Variants in IL1RAPL1 observed in about 807,000 individuals in gnomAD.
The protein encoded by IL1RAPL1 is interleukin 1 receptor accessory protein like 1.
Under a neutral mutation model 48.4 loss-of-function variants are expected in IL1RAPL1, and 3 were observed. The observed-to-expected ratio is 0.06, with a 90% confidence interval of 0.03 to 0.16. The LOEUF (loss-of-function observed/expected upper bound fraction) is 0.16, where lower values mean the gene tolerates loss of function less well. Among genes scored for constraint, IL1RAPL1 ranks in the 10% least tolerant of loss-of-function variants. IL1RAPL1 has a pLI of 1.00. For synonymous variants in IL1RAPL1, 185 were observed against 187.7 expected (o/e 0.99, Z 0.12); for missense variants, 349 against 530.6 (o/e 0.66, Z 3.36).
intron 9 of IL1RAPL1, among the ~76,000 whole-genome samples, chrX:29,950,669 CCTTTTTTTTTTTTTT>C (rs1166732055): frequency 1.0e-5 from 1 of 96,923 alleles, no homozygotes. Context: ...GATCCTAAGG[CCTTTTTTTTTTTTTT>C]CTTTTTTTTT....
At chrX:29,787,817 G>T (rs1929536293) in intron 6 of IL1RAPL1, among the ~76,000 whole-genome samples, 1 of 111,823 alleles carries the variant, frequency 8.9e-6, no homozygotes, top group Admixed American at 9.5e-5. Flanking sequence ...ATGTCATTCT[G>T]TTACTACATT....
At chrX:29,257,657 C>T (rs988904251) in intron 2 of IL1RAPL1, among the ~76,000 whole-genome samples, 1 of 111,671 alleles carries the variant, frequency 9.0e-6, no homozygotes, top group African/African-American at 3.2e-5. Context: ...TGTCATGCAG[C>T]ATGTTTTAAT....
At chrX:28,667,884 C>G (rs1934899056) in intron 1 of IL1RAPL1, among the ~76,000 whole-genome samples, 1 of 111,344 alleles carries the variant, frequency 9.0e-6, no homozygotes, top group Non-Finnish European at 1.9e-5. Context: ...CATGAGGGTT[C>G]TACCCTTATG....
chrX:29,531,309 T>A (rs1047045711), intron 5 of IL1RAPL1, among the ~76,000 whole-genome samples: 1 of 111,338 alleles, frequency 9.0e-6, no homozygotes, highest in Non-Finnish European at 1.9e-5. Context: ...AACCAAATAA[T>A]GAAGGTCAAG....
At chrX:28,888,752 A>T (rs1922703509) in intron 2 of IL1RAPL1, among the ~76,000 whole-genome samples, 1 of 111,615 alleles carries the variant, frequency 9.0e-6, no homozygotes, top group Admixed American at 9.6e-5. Context: ...TGACATTTTC[A>T]TGCTAATATA....
chrX:29,120,777 G>A (rs932487397), intron 2 of IL1RAPL1, among the ~76,000 whole-genome samples: 4 of 111,114 alleles, frequency 3.6e-5, no homozygotes, highest in African/African-American at 6.5e-5. Flanking sequence ...ATTAGTCAAA[G>A]ACATTACTTG....
chrX:29,587,795 G>C (rs1199702081), intron 5 of IL1RAPL1, among the ~76,000 whole-genome samples: 1 of 112,202 alleles, frequency 8.9e-6, no homozygotes, highest in Non-Finnish European at 1.9e-5. Flanking sequence ...ATACCAACAG[G>C]CTTCTGTTAG....
intron 5 of IL1RAPL1, among the ~76,000 whole-genome samples, chrX:29,625,108 A>G (rs563394199): frequency 1.5e-4 from 17 of 111,913 alleles, no homozygotes; most frequent in Middle Eastern, 9.2e-3. Context: ...GCTTTGTTCC[A>G]ATAAAACTTT....
At chrX:29,810,320 G>T (rs1197044462) in intron 6 of IL1RAPL1, among the ~76,000 whole-genome samples, 1 of 110,344 alleles carries the variant, frequency 9.1e-6, no homozygotes, top group African/African-American at 3.3e-5. Context: ...CTCCCGAGTA[G>T]CTGGGATTAC....
At chrX:28,853,745 T>A (rs1017144313) in intron 2 of IL1RAPL1, among the ~76,000 whole-genome samples, 1 of 111,772 alleles carries the variant, frequency 8.9e-6, no homozygotes, top group Non-Finnish European at 1.9e-5. Flanking sequence ...CCTACAGATA[T>A]ATAGATCATT....
intron 3 of IL1RAPL1, among the ~76,000 whole-genome samples, chrX:29,343,111 T>C (rs766850895): frequency 8.9e-6 from 1 of 112,088 alleles, no homozygotes; most frequent in South Asian, 3.7e-4. Flanking sequence ...AACAATATAA[T>C]TGTTGATTTC....
chrX:29,536,014 T>G (rs751656748), intron 5 of IL1RAPL1, among the ~76,000 whole-genome samples: 1 of 112,186 alleles, frequency 8.9e-6, no homozygotes, highest in East Asian at 2.8e-4. Flanking sequence ...GAGCACAACC[T>G]ATGGTTGTAA....
chrX:29,060,777 T>C (rs1194299139), intron 2 of IL1RAPL1, among the ~76,000 whole-genome samples: 1 of 112,039 alleles, frequency 8.9e-6, no homozygotes, highest in African/African-American at 3.2e-5. Flanking sequence ...CAAAGTTCTA[T>C]AGAAATGTTA....
At chrX:28,659,543 A>G (rs1934792196) in intron 1 of IL1RAPL1, 2 of 442,099 alleles carry the variant, frequency 4.5e-6, no homozygotes. Context: ...GGCGCTGGCT[A>G]GAGGCGAGCT....
At position 29,064,552 on chromosome X, in the gene IL1RAPL1, TTTTTTG is replaced by T. The variant is rs200109419; in HGVS notation, c.83-218357_83-218352del. Among the ~76,000 whole-genome samples the T allele has an allele frequency of 1.1e-3, 121 of 109,005 alleles. 1 individual carries two copies. Among genetic ancestry groups the T allele is most frequent in the African/African-American group, 1.9e-3 (58 of 30,194 alleles). 94.7% of individuals were successfully genotyped at this position (109,005 alleles called of 115,157 possible). On this transcript the variant is annotated intron_variant, in intron 2 of 10. Transcript: ENST00000378993. ...GAACAAGTAGATTTTTTTGTTGTTG[TTTTTTG>T]TTTTTGTTTTTGTTTTTGTTTTTGT...
intron 6 of IL1RAPL1, among the ~76,000 whole-genome samples, chrX:29,804,911 C>G (rs908555106): frequency 6.3e-5 from 7 of 111,919 alleles, no homozygotes; most frequent in African/African-American, 2.3e-4. Flanking sequence ...GTGTTTACAT[C>G]TCTTCTTAAA....
chrX:29,719,861 G>A (rs1309497789), intron 6 of IL1RAPL1, among the ~76,000 whole-genome samples: 2 of 110,246 alleles, frequency 1.8e-5, no homozygotes, highest in Admixed American at 2.0e-4. Context: ...CAGGAAAGAA[G>A]GTAGAGTATT....
rs773772535 is a variant in IL1RAPL1 at position 29,857,437 on chromosome X, C to T, written c.779-60027C>T. Among the ~76,000 whole-genome samples the T allele has an allele frequency of 3.6e-5, 4 of 111,905 alleles. No individual in the cohort carries two copies. In the South Asian group the frequency reaches 1.5e-3, roughly 41 times the overall value. On this transcript the variant is annotated intron_variant, in intron 6 of 10. Coordinates refer to ENST00000378993, the MANE Select transcript of IL1RAPL1 (RefSeq NM_014271.4). ...TCTATGTCTATGTCCATATTTCTAA[C>T]TATCATATTGTCTTCAAGTCACTGC...
rs114802583 is a variant in IL1RAPL1 at position 28,933,099 on chromosome X, G to A, written c.82+143674G>A. On this transcript the variant is annotated intron_variant, in intron 2 of 10. Coordinates refer to ENST00000378993, the MANE Select transcript of IL1RAPL1 (RefSeq NM_014271.4). ...TTTCTTTGATTTCTAGCAAGCCAGA[G>A]CATTTTCTTCAAATGTGCATTAACC... Among the ~76,000 whole-genome samples the A allele has an allele frequency of 8.6e-3, 963 of 111,878 alleles. 12 individuals carry two copies. The highest frequency in any genetic ancestry group is 0.03 in the African/African-American group (917 of 30,824).
Sources: allele counts gnomAD v4.1 joint callset (sites outside exome capture counted in the v4.1 genomes callset), GRCh38; gene constraint gnomAD v4.1.1; transcripts MANE v1.5; gene names NCBI Gene and HGNC (gene_info 2026-07-23, HGNC 2026-07-21).